JAKMIP3: variants seen among roughly 807,000 people sequenced by gnomAD.
JAKMIP3 encodes janus kinase and microtubule-interacting protein 3.
In JAKMIP3, 58 loss-of-function variants were observed where a neutral mutation model predicts 118.5. The ratio of observed to expected loss-of-function variants is 0.49; its 90% CI spans 0.40 to 0.61. JAKMIP3 has a LOEUF of 0.61. Ranked by LOEUF, JAKMIP3 falls within the 20% of genes least tolerant of loss-of-function variation. The pLI is 0.00. For synonymous variants in JAKMIP3, 486 were observed against 451.2 expected, an observed-to-expected ratio of 1.08 and a Z score of -0.98; for missense variants, 950 against 1,109.0, an observed-to-expected ratio of 0.86 and a Z score of 2.04.
At chr10:132,140,316 T>C (rs2053227448) in intron 9 of JAKMIP3, 135 bp from the exon 10 acceptor site, 1 of 1,308,138 alleles carries the variant, frequency 7.6e-7, no homozygotes, top group Non-Finnish European at 1.1e-6. Context: ...CCTCGGCCTG[T>C]GCCAGGGACA....
Position 132,046,786 on chromosome 10 carries a change from A to T in JAKMIP3, c.-138+10048A>T, listed in dbSNP as rs543677268. 2.2e-4 allele frequency among the ~76,000 whole-genome samples: 34 copies of T among 152,336 alleles called. 1 individual carries two copies. Among genetic ancestry groups the T allele is most frequent in the Admixed American group, 1.4e-3 (21 of 15,302 alleles). On this transcript the variant is annotated intron_variant, in intron 1 of 23. Transcript: ENST00000657785. Reference sequence around the variant, plus strand: ...AAGAGGAAGAAGCTGAGGCAAAATTAACCCAAGTAGAGAGCTATCTGGGCC... The same window carrying T: ...AAGAGGAAGAAGCTGAGGCAAAATTTACCCAAGTAGAGAGCTATCTGGGCC...
At position 132,117,535 on chromosome 10, in the gene JAKMIP3, C is replaced by T. The variant is rs1207946945; in HGVS notation, c.594C>T (p.Thr198=). The part of the protein sequence containing the change: ...SVYHLHQEEI[T]RIKKECEREI... The stretch of plus-strand genomic sequence containing the variant: ...ACCACCTGCACCAGGAGGAGATCAC[C>T]CGCATCAAGAAGGAGTGCGAGCGGG... Residue 198 remains threonine, a synonymous_variant, in exon 3 of 24, where the codon ACC becomes ACT. Coordinates refer to ENST00000684848, the MANE Select transcript of JAKMIP3 (RefSeq NM_001323087.2). The surrounding 1 kb of genome is among the most constrained non-coding windows in gnomAD (Gnocchi z 8.6). 3 of 1,588,384 alleles carry T rather than the reference C, an allele frequency of 1.9e-6. No homozygotes were observed. Among genetic ancestry groups the T allele is most frequent in the Non-Finnish European group, 2.6e-6 (3 of 1,167,356 alleles).
At chr10:132,175,330 A>G (rs1434744289) in intron 23 of JAKMIP3, among the ~76,000 whole-genome samples, 1 of 152,152 alleles carries the variant, frequency 6.6e-6, no homozygotes, top group African/African-American at 2.4e-5. Context: ...GTGAATGTCC[A>G]CCCAAGAACA....
chr10:132,117,606 A>T lies in JAKMIP3; in HGVS notation c.633+32A>T. ...GGGCAGGCAGGGGCGGGCGTGGGCG[A>T]GGGTGCAGGGGCGGGCGTGGGCGAG... On this transcript the variant is annotated intron_variant, in intron 3 of 23. Transcript: ENST00000684848. This position sits in a 1 kb window ranked among gnomAD's most constrained non-coding sequence, Gnocchi z 8.6. 3.8e-5 allele frequency: 16 copies of T among 423,888 alleles called. No homozygotes were observed. The highest frequency in any genetic ancestry group is 5.0e-5 in the Admixed American group (1 of 20,016). 26.3% of individuals were successfully genotyped at this position (423,888 alleles called of 1,614,324 possible). A position where few individuals can be genotyped will look rare whatever the true frequency, so the allele number is the denominator to read the frequency against.
intron 23 of JAKMIP3, among the ~76,000 whole-genome samples, chr10:132,173,518 T>C (rs988501702): frequency 1.2e-4 from 18 of 152,108 alleles, no homozygotes; most frequent in African/African-American, 4.3e-4. Context: ...CAACACTGTT[T>C]TCCAAACAAC....
chr10:132,143,396 C>T (rs536425193), intron 11 of JAKMIP3, among the ~76,000 whole-genome samples: 2 of 152,242 alleles, frequency 1.3e-5, no homozygotes, highest in South Asian at 4.2e-4. Context: ...ATCCTCCTGG[C>T]CAAGCTCGCC....
intron 3 of JAKMIP3, among the ~76,000 whole-genome samples, chr10:132,122,610 G>A (rs1043973058): frequency 2.6e-5 from 4 of 152,256 alleles, no homozygotes; most frequent in Non-Finnish European, 5.9e-5. Flanking sequence ...TGCAGGCCTG[G>A]AAGTGTGGCA....
At chr10:132,131,003 G>C (rs367881725) in intron 3 of JAKMIP3, among the ~76,000 whole-genome samples, 1 of 151,856 alleles carries the variant, frequency 6.6e-6, no homozygotes, top group Non-Finnish European at 1.5e-5. Flanking sequence ...CAGGCAAGTC[G>C]GGGGCGGGCA....
intron 13 of JAKMIP3, 145 bp from the exon 14 acceptor site, chr10:132,147,807 G>T: frequency 3.4e-6 from 2 of 588,482 alleles, no homozygotes; most frequent in South Asian, 3.9e-5. Flanking sequence ...CATACCGAGG[G>T]CTGTGAGGCG....
At chr10:132,069,829 C>T (rs1020779569) in intron 1 of JAKMIP3, among the ~76,000 whole-genome samples, 17 of 152,146 alleles carry the variant, frequency 1.1e-4, no homozygotes, top group African/African-American at 3.9e-4. Context: ...TTCCTGAGCC[C>T]GCCCTTGCTG....
intron 19 of JAKMIP3, 94 bp from the exon 20 acceptor site, chr10:132,163,115 C>G: frequency 3.2e-6 from 4 of 1,237,288 alleles, no homozygotes; most frequent in African/African-American, 1.5e-5. Flanking sequence ...TGGCCCTGCT[C>G]CCAGGCGGAG....
At chr10:132,128,871 G>A (rs1048362697) in intron 3 of JAKMIP3, among the ~76,000 whole-genome samples, 7 of 152,022 alleles carry the variant, frequency 4.6e-5, no homozygotes, top group Middle Eastern at 3.4e-3. Context: ...AGTTCCTATC[G>A]GCTTACTTCA....
At chr10:132,096,144 G>A (rs1225368636) in intron 1 of JAKMIP3, among the ~76,000 whole-genome samples, 1 of 152,198 alleles carries the variant, frequency 6.6e-6, no homozygotes, top group Non-Finnish European at 1.5e-5. Flanking sequence ...TTTACATTGG[G>A]AGCAGTAGAC....
upstream of JAKMIP3, among the ~76,000 whole-genome samples, chr10:132,064,868 G>A (rs1218554843): frequency 6.6e-6 from 1 of 152,180 alleles, no homozygotes; most frequent in African/African-American, 2.4e-5. The surrounding 1 kb of genome is among the most constrained non-coding windows in gnomAD (Gnocchi z 4.4). Flanking sequence ...GCTCCTCTCG[G>A]GGTGATGCCT....
At chr10:132,154,144 T>C (rs967626570) in intron 19 of JAKMIP3, among the ~76,000 whole-genome samples, 154 bp downstream of exon 19, 1 of 152,158 alleles carries the variant, frequency 6.6e-6, no homozygotes, top group Non-Finnish European at 1.5e-5. Context: ...AGGCTCTGGC[T>C]CTCCAGAGCT....
intron 19 of JAKMIP3, among the ~76,000 whole-genome samples, chr10:132,162,680 A>G (rs1219857730): frequency 1.3e-5 from 2 of 152,008 alleles, no homozygotes; most frequent in Non-Finnish European, 2.9e-5. Flanking sequence ...CAAAGATTGT[A>G]TCAATAAAAT....
chr10:132,133,591 A>G, intron 4 of JAKMIP3, 64 bp downstream of exon 4: 5 of 1,416,622 alleles, frequency 3.5e-6, no homozygotes, highest in East Asian at 2.5e-5. Context: ...ATGTGGCTGC[A>G]TGGCCCTGCA....
intron 1 of JAKMIP3, among the ~76,000 whole-genome samples, chr10:132,058,654 G>A (rs1379242636): frequency 1.3e-5 from 2 of 152,216 alleles, no homozygotes; most frequent in African/African-American, 4.8e-5. Flanking sequence ...TTACACGTGT[G>A]TGAGGATCAA....
intron 1 of JAKMIP3, among the ~76,000 whole-genome samples, chr10:132,072,869 A>G (rs2040187754): frequency 1.3e-5 from 2 of 152,134 alleles, no homozygotes; most frequent in Admixed American, 6.5e-5. Context: ...AATAGTGAAC[A>G]CTGTATCCAA....
Sources: allele counts gnomAD v4.1 joint callset (sites outside exome capture counted in the v4.1 genomes callset), GRCh38; gene constraint gnomAD v4.1.1; non-coding constraint Gnocchi (gnomAD v3.1); transcripts MANE v1.5; gene names NCBI Gene and HGNC (gene_info 2026-07-23, HGNC 2026-07-21).